Variants in BACE1 observed in about 807,000 individuals in gnomAD.
The protein encoded by BACE1 is beta-secretase 1, also known as APP beta-secretase.
In BACE1, 21 loss-of-function variants were observed where a neutral mutation model predicts 54.0. The observed-to-expected ratio is 0.39, with a 90% CI of 0.28 to 0.56. BACE1 has a LOEUF of 0.56. BACE1 is among the 20% of genes least tolerant of loss of function. The pLI is 0.63. For synonymous variants in BACE1, 232 were observed against 260.9 expected (o/e 0.89, Z 1.07); for missense variants, 511 against 661.2 (o/e 0.77, Z 2.49).
Position 117,304,890 on chromosome 11 carries a change from A to ATT in BACE1, c.262-7931_262-7930dup, listed in dbSNP as rs373918923. Reference sequence around the variant, plus strand: ...AGCCCTGAGTAGATGCTCCGTAATGATTTTTTTTTTAATTGACAGCAACTG... The same window carrying ATT: ...AGCCCTGAGTAGATGCTCCGTAATGATTTTTTTTTTTTAATTGACAGCAACTG... On this transcript the variant is annotated intron_variant, in intron 1 of 8. Transcript: ENST00000313005. 7.7e-3 allele frequency among the ~76,000 whole-genome samples: 1,127 copies of ATT among 146,134 alleles called. 11 individuals are homozygous for ATT. Among genetic ancestry groups the ATT allele is most frequent in the African/African-American group, 0.024 (952 of 39,716 alleles).
At chr11:117,309,575 C>T (rs1390187312) in intron 1 of BACE1, among the ~76,000 whole-genome samples, 1 of 152,188 alleles carries the variant, frequency 6.6e-6, no homozygotes, top group East Asian at 1.9e-4. Context: ...AAAACAAAAC[C>T]CTCCTTTTCC....
intron 1 of BACE1, among the ~76,000 whole-genome samples, chr11:117,308,883 T>C (rs1014938385): frequency 2.6e-5 from 4 of 151,784 alleles, no homozygotes; most frequent in Admixed American, 6.6e-5. Flanking sequence ...AACCAGGAGG[T>C]GGAGGTTGCA....
chr11:117,313,861 G>A (rs1336104537), intron 1 of BACE1, among the ~76,000 whole-genome samples: 1 of 152,150 alleles, frequency 6.6e-6, no homozygotes, highest in African/African-American at 2.4e-5. Context: ...ATATGCTGGT[G>A]TATTGTTCTG....
intron 3 of BACE1, among the ~76,000 whole-genome samples, chr11:117,294,894 A>AG (rs1442607181): frequency 2.0e-5 from 3 of 152,094 alleles, no homozygotes; most frequent in Non-Finnish European, 4.4e-5. Flanking sequence ...TCAAAAAAAA[A>AG]AAGATCTTAA....
Position 117,313,229 on chromosome 11 carries a change from C to A in BACE1, c.261+2306G>T, listed in dbSNP as rs76462621. On this transcript the variant is annotated intron_variant, in intron 1 of 8. Transcript: ENST00000313005. ...CTTAGTTAGAAATCATAGTGCAAGC[C>A]ACACAGTTGCTTTAGTTGTGGGCTC... Among the ~76,000 whole-genome samples the A allele has an allele frequency of 5.7e-3, 867 of 152,278 alleles. 10 individuals are homozygous for A. The highest frequency in any genetic ancestry group is 0.029 in the South Asian group (140 of 4,826).
chr11:117,298,311 GA>G (rs2034649097), intron 1 of BACE1, among the ~76,000 whole-genome samples: 1 of 149,872 alleles, frequency 6.7e-6, no homozygotes, highest in Admixed American at 6.7e-5. Flanking sequence ...AAAAAAAAAA[GA>G]AAAGAAAAGA....
At position 117,286,365 on chromosome 11, in the gene BACE1, C is replaced by T. The variant is rs879443960; in HGVS notation, c.*3201G>A. ...TGGGAAAGCTGTGACTCTATTAGAG[C>T]TTTGAATCTTTTCCTATCCTTTTAT... On this transcript the variant is annotated 3_prime_UTR_variant, in exon 9 of 9. Coordinates refer to ENST00000313005, the MANE Select transcript of BACE1 (RefSeq NM_012104.6). 1.3e-5 allele frequency: 2 copies of T among 152,182 alleles called. No homozygotes were observed. Among genetic ancestry groups the T allele is most frequent in the Admixed American group, 6.6e-5 (1 of 15,266 alleles). 9.4% of individuals were successfully genotyped at this position (152,182 alleles called of 1,614,324 possible). A position where few individuals can be genotyped will look rare whatever the true frequency, so the allele number is the denominator to read the frequency against.
At position 117,287,912 on chromosome 11, in the gene BACE1, A is replaced by G. The variant is rs1400171272; in HGVS notation, c.*1654T>C. The G allele has an allele frequency of 1.3e-5, 2 of 152,664 alleles. No homozygotes were observed. Among genetic ancestry groups the G allele is most frequent in the Non-Finnish European group, 2.9e-5 (2 of 68,056 alleles). 9.5% of individuals were successfully genotyped at this position (152,664 alleles called of 1,614,324 possible). On this transcript the variant is annotated 3_prime_UTR_variant, in exon 9 of 9. Coordinates refer to ENST00000313005, the MANE Select transcript of BACE1 (RefSeq NM_012104.6). ...GTATTTCCCTCTCCCTTATCAGGTA[A>G]TTCCACACTTAGCAGGTCCCATACC...
rs1565360907 is a variant in BACE1, at chr11:117,296,902, G to A, written c.321C>T (p.Pro107=). The A allele has an allele frequency of 1.2e-6, 2 of 1,613,666 alleles. No individual in the cohort carries two copies. The highest frequency in any genetic ancestry group is 8.5e-7 in the Non-Finnish European group (1 of 1,179,818). The change falls in exon 2 of 9, where the codon CCC becomes CCT. Residue 107 remains proline, a synonymous_variant. Transcript: ENST00000313005. ...GCCTCTGGTAGTAGCGATGCAGGAA[G>A]GGGTGGGGGGCAGCACCCACTGCAA... The part of the protein sequence containing the change: ...SNFAVGAAPH[P]FLHRYYQRQL...
In BACE1 at chr11:117,291,064, A is replaced by T; in HGVS notation, c.943-15T>A. Reference sequence around the variant, plus strand: ...AACTTCTCCGTCTGTGTTGGCAAGAAGGGGATAACAATGAGGAAAAGCCTC... The same window carrying T: ...AACTTCTCCGTCTGTGTTGGCAAGATGGGGATAACAATGAGGAAAAGCCTC... On this transcript the variant is annotated splice_polypyrimidine_tract_variant and intron_variant, in intron 6 of 8. Transcript: ENST00000313005. 6.2e-7 allele frequency: 1 copy of T among 1,613,532 alleles called. No individual in the cohort carries two copies. The highest frequency in any genetic ancestry group is 8.5e-7 in the Non-Finnish European group (1 of 1,179,750).
At position 117,286,826 on chromosome 11, in the gene BACE1, T is replaced by G. The variant is rs2034275413; in HGVS notation, c.*2740A>C. 6.6e-6 allele frequency: 1 copy of G among 152,636 alleles called. No individual in the cohort carries two copies. The highest frequency in any genetic ancestry group is 1.5e-5 in the Non-Finnish European group (1 of 68,050). The allele number at this position is 152,636 out of a possible 1,614,324, so 9.5% of individuals were successfully genotyped here. On this transcript the variant is annotated 3_prime_UTR_variant, in exon 9 of 9. Transcript: ENST00000313005. The stretch of plus-strand genomic sequence containing the variant: ...CTCTTCAGAGGTCAGGTGACCCACT[T>G]TCTTTGGTTAATGAAATGTTACTGT...
At chr11:117,295,753 G>C (rs2134460144) in intron 2 of BACE1, 8 of 1,412,710 alleles carry the variant, frequency 5.7e-6, no homozygotes, top group Non-Finnish European at 7.4e-6. Flanking sequence ...GAACCTAGTG[G>C]TACCATCCGA....
chr11:117,297,684 C>T (rs1009956921), intron 1 of BACE1, among the ~76,000 whole-genome samples: 1 of 152,066 alleles, frequency 6.6e-6, no homozygotes, highest in African/African-American at 2.4e-5. Flanking sequence ...GGAGGCCAGG[C>T]CAGTAAAAGT....
intron 2 of BACE1, chr11:117,295,747 C>G (rs1469442478): frequency 3.4e-5 from 48 of 1,424,610 alleles, no homozygotes; most frequent in South Asian, 1.4e-5. Context: ...GCCTTGGAAC[C>G]TAGTGGTACC....
At chr11:117,294,099 C>CT in intron 3 of BACE1, 91 bp from the exon 4 acceptor site, 1 of 1,449,632 alleles carries the variant, frequency 6.9e-7, no homozygotes, top group Non-Finnish European at 9.3e-7. Flanking sequence ...AATTTGAAGG[C>CT]TTGGGGGATG....
At chr11:117,298,847 C>G (rs1346417677) in intron 1 of BACE1, among the ~76,000 whole-genome samples, 1 of 152,154 alleles carries the variant, frequency 6.6e-6, no homozygotes, top group Non-Finnish European at 1.5e-5. Context: ...CTCTTGTTAC[C>G]CAGGCTGGAG....
At position 117,293,098 on chromosome 11, in the gene BACE1, G is replaced by A. The variant is rs1169380619; in HGVS notation, c.796C>T (p.Arg266Trp). Reference protein sequence around the residue: ...REWYYEVIIVRVEINGQDLKM... With the variant: ...REWYYEVIIVWVEINGQDLKM... ...AGATCCTGTCCATTGATCTCCACCC[G>A]CACAATGATCACCTCATAATACCAC... Residue 266 changes from arginine to tryptophan, a missense_variant, in exon 5 of 9, where the codon CGG becomes TGG. By Grantham distance (101) the Arg-to-Trp change is moderately radical. This residue lies in a region of BACE1 where 407 missense variants were observed against 565.7 expected (regional missense o/e 0.72). Coordinates refer to ENST00000313005, the MANE Select transcript of BACE1 (RefSeq NM_012104.6). The surrounding 1 kb of genome is among the most constrained non-coding windows in gnomAD (Gnocchi z 4.1). The A allele has an allele frequency of 1.9e-6, 3 of 1,613,652 alleles. No homozygotes were observed. The highest frequency in any genetic ancestry group is 1.3e-5 in the African/African-American group (1 of 74,788).
chr11:117,315,398 C>G lies in BACE1; in HGVS notation c.261+137G>C. On this transcript the variant is annotated intron_variant, in intron 1 of 8. Transcript: ENST00000313005. This position sits in a 1 kb window ranked among gnomAD's most constrained non-coding sequence, Gnocchi z 5.5. ...ACTTCTGCCAACAACCACGTGACCC[C>G]CGGGGAATGGCTGGGGAGGGGTCCC... 1 of 1,233,584 alleles carries G rather than the reference C, an allele frequency of 8.1e-7. No homozygotes were observed. Among genetic ancestry groups the G allele is most frequent in the African/African-American group, 1.6e-5 (1 of 62,794 alleles). 76.4% of individuals were successfully genotyped at this position (1,233,584 alleles called of 1,614,324 possible).
chr11:117,295,348 CTG>C lies in BACE1; in HGVS notation c.351-3_351-2del. ...CCGGAGGTCCCGGTATGTGCTGGAC[CTG>C]TGGAAAGAAGGCAGAGATCTGTGGA... On this transcript the variant is annotated splice_acceptor_variant and splice_polypyrimidine_tract_variant and intron_variant, in intron 2 of 8. Transcript: ENST00000313005. LOFTEE classifies it high-confidence loss of function. 6.2e-7 allele frequency: 1 copy of C among 1,610,904 alleles called. No homozygotes were observed. Among genetic ancestry groups the C allele is most frequent in the Non-Finnish European group, 8.5e-7 (1 of 1,177,268 alleles).
Sources: allele counts gnomAD v4.1 joint callset (sites outside exome capture counted in the v4.1 genomes callset), GRCh38; gene constraint gnomAD v4.1.1; regional missense constraint gnomAD v4.1.1; non-coding constraint Gnocchi (gnomAD v3.1); transcripts MANE v1.5; gene names NCBI Gene and HGNC (gene_info 2026-07-23, HGNC 2026-07-21).